The following VCL variants were observed in gnomAD, a reference collection of about 807,000 sequenced individuals.
VCL encodes the protein vinculin.
In VCL, 47 loss-of-function variants were observed where a neutral mutation model predicts 125.7. The observed-to-expected ratio is 0.37, with a 90% CI of 0.30 to 0.48. The LOEUF (loss-of-function observed/expected upper bound fraction) is 0.48, where lower values mean the gene tolerates loss of function less well. Among genes scored for constraint, VCL ranks in the 20% least tolerant of loss-of-function variants. VCL has a pLI of 0.99. For synonymous variants in VCL, 458 were observed against 514.6 expected (o/e 0.89, Z 1.49); for missense variants, 1,069 against 1,455.5 (o/e 0.73, Z 4.32).
chr10:74,115,278 T>C (rs887045168), intron 21 of VCL, among the ~76,000 whole-genome samples: 4 of 151,954 alleles, frequency 2.6e-5, no homozygotes, highest in Admixed American at 2.6e-4. Flanking sequence ...TGTGGTGGTG[T>C]GCACCTGTAG....
At chr10:74,100,647 A>G (rs1233055688) in intron 13 of VCL, among the ~76,000 whole-genome samples, 1 of 152,284 alleles carries the variant, frequency 6.6e-6, no homozygotes, top group Middle Eastern at 3.4e-3. Flanking sequence ...AAATTACTGC[A>G]GAGTATATAA....
intron 3 of VCL, 54 bp from the exon 4 acceptor site, chr10:74,070,921 C>A (rs1261555324): frequency 2.5e-6 from 4 of 1,610,504 alleles, no homozygotes; most frequent in African/African-American, 1.3e-5. Flanking sequence ...TCTGTGTTAC[C>A]GTGTTTGCTA....
chr10:74,101,572 G>A (rs1181458661), intron 14 of VCL, among the ~76,000 whole-genome samples: 9 of 118,168 alleles, frequency 7.6e-5, no homozygotes, highest in Non-Finnish European at 1.1e-4. Flanking sequence ...TTTTTGAGAC[G>A]GAGTCTCGCT....
At chr10:74,037,319 A>C (rs1190114189) in intron 1 of VCL, among the ~76,000 whole-genome samples, 2 of 152,206 alleles carry the variant, frequency 1.3e-5, no homozygotes, top group Non-Finnish European at 2.9e-5. Context: ...TTCTGTCATC[A>C]ATGGGTTAAT....
At chr10:74,031,954 C>T (rs1376269036) in intron 1 of VCL, among the ~76,000 whole-genome samples, 1 of 149,124 alleles carries the variant, frequency 6.7e-6, no homozygotes, top group Non-Finnish European at 1.5e-5. Context: ...ATCCCAGCTA[C>T]TTGGGAGGCT....
At chr10:74,026,627 C>A (rs1041981370) in intron 1 of VCL, among the ~76,000 whole-genome samples, 1 of 152,124 alleles carries the variant, frequency 6.6e-6, no homozygotes, top group East Asian at 1.9e-4. Flanking sequence ...GTTTATTTAG[C>A]CCTTGTTATC....
rs2131926869 is a variant in VCL at position 74,103,940 on chromosome 10, T to C, written c.2131+12T>C. ...TGAAAAAATGACAGGTAGAGTTTTCTATACAAATCTTGTTGTCTAATCCAT... is the reference window on the plus strand; with the variant it reads ...TGAAAAAATGACAGGTAGAGTTTTCCATACAAATCTTGTTGTCTAATCCAT... On this transcript the variant is annotated intron_variant, in intron 15 of 21. Coordinates refer to ENST00000211998, the MANE Select transcript of VCL (RefSeq NM_014000.3). 2.5e-6 allele frequency: 4 copies of C among 1,611,364 alleles called. No individual in the cohort carries two copies. The highest frequency in any genetic ancestry group is 3.4e-6 in the Non-Finnish European group (4 of 1,177,568).
chr10:74,049,098 C>G (rs943626897), intron 2 of VCL, among the ~76,000 whole-genome samples: 1 of 151,054 alleles, frequency 6.6e-6, no homozygotes, highest in Non-Finnish European at 1.5e-5. Context: ...CAGAGCGAGA[C>G]TCCATCTCAA....
intron 13 of VCL, among the ~76,000 whole-genome samples, chr10:74,099,996 A>C (rs1246784608): frequency 6.6e-6 from 1 of 152,244 alleles, no homozygotes; most frequent in Non-Finnish European, 1.5e-5. Context: ...TCTCCAAGTT[A>C]GGCAGAAGTT....
chr10:74,064,573 C>G (rs1432542592), intron 2 of VCL, among the ~76,000 whole-genome samples: 1 of 151,918 alleles, frequency 6.6e-6, no homozygotes, highest in Admixed American at 6.6e-5. Context: ...GCCTGCCTAT[C>G]TTTTTAAAAT....
rs1053907016 is a variant in VCL at position 74,071,129 on chromosome 10, G to T, written c.499+46G>T. 1 of 1,588,128 alleles carries T rather than the reference G, an allele frequency of 6.3e-7. No individual in the cohort carries two copies. The highest frequency in any genetic ancestry group is 1.3e-5 in the African/African-American group (1 of 74,404). Reference sequence around the variant, plus strand: ...ATAACATTTTTTAAGGATTGTCCATGTTGGAGCCAAAGGAAAGGGTACCCT... The same window carrying T: ...ATAACATTTTTTAAGGATTGTCCATTTTGGAGCCAAAGGAAAGGGTACCCT... On this transcript the variant is annotated intron_variant, in intron 4 of 21. Coordinates refer to ENST00000211998, the MANE Select transcript of VCL (RefSeq NM_014000.3). This position sits in a 1 kb window ranked among gnomAD's most constrained non-coding sequence, Gnocchi z 4.1.
At chr10:74,001,514 G>C (rs1840224389) in intron 1 of VCL, among the ~76,000 whole-genome samples, 1 of 152,070 alleles carries the variant, frequency 6.6e-6, no homozygotes, top group South Asian at 2.1e-4. Context: ...TTGGCACATA[G>C]GATCACTCAA....
At chr10:74,019,534 A>C (rs757417931) in intron 1 of VCL, among the ~76,000 whole-genome samples, 21 of 152,068 alleles carry the variant, frequency 1.4e-4, no homozygotes, top group Non-Finnish European at 2.8e-4. Context: ...AGCGCTGGTG[A>C]GACACTGGGG....
At chr10:74,026,968 A>G (rs1387152545) in intron 1 of VCL, among the ~76,000 whole-genome samples, 1 of 152,244 alleles carries the variant, frequency 6.6e-6, no homozygotes. Flanking sequence ...ACATGGTTAC[A>G]TGCCCAGGCT....
At chr10:74,019,647 A>G (rs1304204416) in intron 1 of VCL, among the ~76,000 whole-genome samples, 1 of 152,170 alleles carries the variant, frequency 6.6e-6, no homozygotes, top group Non-Finnish European at 1.5e-5. Flanking sequence ...TGTAGAGTAC[A>G]AGAGGGAGAG....
intron 2 of VCL, among the ~76,000 whole-genome samples, chr10:74,052,411 CTG>C (rs1841317798): frequency 7.8e-6 from 1 of 128,384 alleles, no homozygotes; most frequent in Admixed American, 9.4e-5. Flanking sequence ...GAGTCTCACT[CTG>C]TAGCACAAGT....
At chr10:74,106,046 G>A (rs1840128586) in intron 16 of VCL, among the ~76,000 whole-genome samples, 1 of 150,580 alleles carries the variant, frequency 6.6e-6, no homozygotes. Flanking sequence ...CCAGCCTCCT[G>A]AGTAGCTGGG....
rs759771302 is a variant in VCL, at chr10:74,101,081, G to T, written c.2006G>T (p.Arg669Leu). ...ATTCAGGCCTCAGTGAAGACGGCCC[G>T]AGAACTCACACCCCAGGTTGGGTTT... ...EGIQASVKTA[R>L]ELTPQVVSAA... Residue 669 changes from arginine (R) to leucine (L), a missense_variant, in exon 14 of 22, where the codon CGA becomes CTA. Arg to Leu is a moderately radical substitution (Grantham distance 102, BLOSUM62 -2). Around this residue, in one of 6 missense-constraint regions of VCL, gnomAD observed 760 missense variants for 928.9 expected, o/e 0.82. Coordinates refer to ENST00000211998, the MANE Select transcript of VCL (RefSeq NM_014000.3). 21 of 1,613,274 alleles carry T rather than the reference G, an allele frequency of 1.3e-5. No homozygotes were observed. Among genetic ancestry groups the T allele is most frequent in the Non-Finnish European group, 1.8e-5 (21 of 1,179,644 alleles).
chr10:74,030,866 C>G (rs1013413482), intron 1 of VCL, among the ~76,000 whole-genome samples: 1 of 152,140 alleles, frequency 6.6e-6, no homozygotes, highest in Non-Finnish European at 1.5e-5. Context: ...AGGTCATCGC[C>G]AAGGTCTGAT....
Sources: allele counts gnomAD v4.1 joint callset (sites outside exome capture counted in the v4.1 genomes callset), GRCh38; gene constraint gnomAD v4.1.1; regional missense constraint gnomAD v4.1.1; non-coding constraint Gnocchi (gnomAD v3.1); transcripts MANE v1.5; gene names NCBI Gene and HGNC (gene_info 2026-07-23, HGNC 2026-07-21).